Variants in KCNH1 observed in about 807,000 individuals in gnomAD.
KCNH1 encodes potassium voltage-gated channel subfamily H member 1.
Under a neutral mutation model 69.2 loss-of-function variants are expected in KCNH1, and 27 were observed. That is an observed-to-expected ratio of 0.39 (90% CI 0.29 to 0.54). KCNH1 has a LOEUF of 0.54. Ranked by LOEUF, KCNH1 falls within the 20% of genes least tolerant of loss-of-function variation. The pLI, the probability that KCNH1 is intolerant of heterozygous loss-of-function variation, is 0.68. For missense variants in KCNH1, 798 were observed against 1,261.6 expected (o/e 0.63, Z 5.57); for synonymous variants, 456 against 487.7 (o/e 0.93, Z 0.86).
chr1:211,018,620 A>G (rs1014841915), intron 6 of KCNH1, among the ~76,000 whole-genome samples, 163 bp downstream of exon 6: 2 of 152,234 alleles, frequency 1.3e-5, no homozygotes, highest in South Asian at 4.1e-4. Flanking sequence ...CCAAACCGCC[A>G]AAGGATGGGA....
chr1:210,867,093 G>A (rs1156900827), intron 7 of KCNH1, among the ~76,000 whole-genome samples: 1 of 151,940 alleles, frequency 6.6e-6, no homozygotes, highest in Non-Finnish European at 1.5e-5. Context: ...TAGATTAGTG[G>A]CTGCCTAGGG....
Position 210,984,537 on chromosome 1 carries a change from G to A in KCNH1, c.1032+34246C>T, listed in dbSNP as rs376698844. The stretch of plus-strand genomic sequence containing the variant: ...TCTGCATCTATTGAGATAATCATGT[G>A]GTTTTTGTCACTGGTTCTGTTTATA... On this transcript the variant is annotated intron_variant, in intron 6 of 10. Transcript: ENST00000271751. 3.9e-5 allele frequency among the ~76,000 whole-genome samples: 6 copies of A among 152,044 alleles called. No homozygotes were observed. The South Asian group carries it at 1.2e-3, about 31-fold the overall frequency.
At chr1:210,954,637 G>C (rs1160460296) in intron 6 of KCNH1, among the ~76,000 whole-genome samples, 1 of 152,168 alleles carries the variant, frequency 6.6e-6, no homozygotes, top group African/African-American at 2.4e-5. Flanking sequence ...GCTTTGATTT[G>C]CATTTCTCTG....
At chr1:210,921,905 G>A (rs79089743) in intron 6 of KCNH1, among the ~76,000 whole-genome samples, 1,881 of 152,196 alleles carry the variant, frequency 0.012, 30 homozygotes, top group African/African-American at 0.043. Context: ...GCAACTTTGG[G>A]GAACATTTGT....
At chr1:211,060,708 T>C (rs1006875513) in intron 5 of KCNH1, among the ~76,000 whole-genome samples, 6 of 152,002 alleles carry the variant, frequency 3.9e-5, no homozygotes, top group Non-Finnish European at 7.4e-5. Context: ...TTGGAAAACC[T>C]AGAAGAAATG....
rs72757587 is a variant in KCNH1, at chr1:210,942,749, G to A, written c.1033-22680C>T. Among the ~76,000 whole-genome samples the A allele has an allele frequency of 2.0e-3, 305 of 151,432 alleles. 2 individuals carry two copies. The highest frequency in any genetic ancestry group is 4.6e-3 in the African/African-American group (191 of 41,258). ...AGAGACCCATAGGGGAGCAAAGGTC[G>A]GTTTCACCTGATAAGGTTATTAAAA... On this transcript the variant is annotated intron_variant, in intron 6 of 10. Transcript: ENST00000271751.
chr1:211,085,551 G>A (rs1690937238), intron 4 of KCNH1, among the ~76,000 whole-genome samples: 1 of 152,024 alleles, frequency 6.6e-6, no homozygotes, highest in Non-Finnish European at 1.5e-5. Flanking sequence ...TGTGGGCCTG[G>A]ACCAATGCTG....
intron 5 of KCNH1, among the ~76,000 whole-genome samples, chr1:211,034,716 T>G (rs1689862007): frequency 1.3e-5 from 2 of 152,198 alleles, no homozygotes; most frequent in South Asian, 4.1e-4. Context: ...TCCTGAGTAT[T>G]CAGCTAAGGG....
At chr1:210,815,486 A>G (rs1684793359) in intron 7 of KCNH1, among the ~76,000 whole-genome samples, 1 of 152,104 alleles carries the variant, frequency 6.6e-6, no homozygotes, top group Non-Finnish European at 1.5e-5. Context: ...TGCCAGCGGA[A>G]CCGAGTAGCC....
At chr1:210,748,042 C>G (rs1683200807) in intron 10 of KCNH1, among the ~76,000 whole-genome samples, 1 of 152,204 alleles carries the variant, frequency 6.6e-6, no homozygotes, top group South Asian at 2.1e-4. Context: ...CAGCCACGTG[C>G]CTTGGCTCTG....
At chr1:211,111,687 G>C (rs1346456357) in intron 1 of KCNH1, among the ~76,000 whole-genome samples, 1 of 146,386 alleles carries the variant, frequency 6.8e-6, no homozygotes, top group Non-Finnish European at 1.5e-5. Context: ...TCTGGGAAGT[G>C]AAGAACGCCT....
At chr1:211,023,946 T>C (rs1346783154) in intron 5 of KCNH1, among the ~76,000 whole-genome samples, 1 of 152,178 alleles carries the variant, frequency 6.6e-6, no homozygotes, top group Non-Finnish European at 1.5e-5. Context: ...GGATCTTAAA[T>C]GTTTCTAGCA....
chr1:210,758,377 G>T (rs956138224), intron 10 of KCNH1, among the ~76,000 whole-genome samples: 10 of 152,182 alleles, frequency 6.6e-5, no homozygotes, highest in African/African-American at 1.9e-4. Context: ...GAGAGTAGCT[G>T]AAGCCAAGGT....
chr1:211,108,555 G>A (rs775080349), intron 1 of KCNH1: 2 of 152,116 alleles, frequency 1.3e-5, no homozygotes, highest in Non-Finnish European at 2.9e-5. Flanking sequence ...TTCTTGATTT[G>A]GCAGGCTTGG....
At chr1:210,909,221 T>C (rs1440442646) in intron 7 of KCNH1, among the ~76,000 whole-genome samples, 2 of 152,266 alleles carry the variant, frequency 1.3e-5, no homozygotes, top group African/African-American at 4.8e-5. Context: ...TCTTGATATT[T>C]AGTTCTACAA....
intron 5 of KCNH1, among the ~76,000 whole-genome samples, chr1:211,050,490 A>G (rs1413120863): frequency 6.6e-6 from 1 of 152,086 alleles, no homozygotes; most frequent in African/African-American, 2.4e-5. Flanking sequence ...GGCAGTGGGA[A>G]GCAATTAAAA....
At chr1:211,078,950 G>GAAAT (rs1690793580) in intron 5 of KCNH1, among the ~76,000 whole-genome samples, 1 of 143,706 alleles carries the variant, frequency 7.0e-6, no homozygotes, top group Non-Finnish European at 1.5e-5. Flanking sequence ...AAGAAAGAAA[G>GAAAT]AAATAACTAA....
chr1:210,858,438 T>A (rs946961064), intron 7 of KCNH1: 17 of 152,232 alleles, frequency 1.1e-4, no homozygotes, highest in African/African-American at 4.1e-4. Context: ...TAGTTCATTT[T>A]TAAATTAATA....
At chr1:211,037,343 A>G (rs1214985617) in intron 5 of KCNH1, among the ~76,000 whole-genome samples, 2 of 152,160 alleles carry the variant, frequency 1.3e-5, no homozygotes, top group Non-Finnish European at 2.9e-5. Flanking sequence ...ACTGACATAC[A>G]TCATCACATC....
Sources: gnomAD v4.1 joint callset for allele counts (sites outside exome capture counted in the v4.1 genomes callset) on GRCh38, gnomAD v4.1.1 for gene constraint, MANE v1.5 for transcripts, NCBI Gene and HGNC (gene_info 2026-07-23, HGNC 2026-07-21) for gene names.